Variants in BIRC6 observed in about 807,000 individuals in gnomAD.
BIRC6 encodes the protein baculoviral IAP repeat containing 6, also known as dual E2 ubiquitin-conjugating enzyme/E3 ubiquitin-protein ligase BIRC6.
In BIRC6, 98 loss-of-function variants were observed where a neutral mutation model predicts 503.3. That is an observed-to-expected ratio of 0.19 (90% CI 0.17 to 0.23). The LOEUF is 0.23. Among genes scored for constraint, BIRC6 ranks in the 10% least tolerant of loss-of-function variants. BIRC6 has a pLI of 1.00. For missense variants in BIRC6, 5,360 were observed against 5,806.0 expected, an observed-to-expected ratio of 0.92 and a Z score of 2.50; for synonymous variants, 2,240 against 2,078.7, an observed-to-expected ratio of 1.08 and a Z score of -2.11.
intron 50 of BIRC6, among the ~76,000 whole-genome samples, chr2:32,506,518 A>G (rs184466509): frequency 6.6e-6 from 1 of 152,372 alleles, no homozygotes; most frequent in Non-Finnish European, 1.5e-5. Flanking sequence ...GGCTACCTCT[A>G]AAATTGGAAA....
chr2:32,400,206 G>A (rs966774549), intron 6 of BIRC6, among the ~76,000 whole-genome samples: 1 of 151,756 alleles, frequency 6.6e-6, no homozygotes, highest in Non-Finnish European at 1.5e-5. Flanking sequence ...CATTCCTAAG[G>A]CTCTTAGGAA....
intron 8 of BIRC6, among the ~76,000 whole-genome samples, chr2:32,404,608 C>T (rs1405930883): frequency 1.3e-5 from 2 of 152,106 alleles, no homozygotes; most frequent in Admixed American, 1.3e-4. Flanking sequence ...GCCACTGCAT[C>T]TGGCCTTAGC....
chr2:32,416,961 A>C (rs541353342), intron 10 of BIRC6, among the ~76,000 whole-genome samples: 1 of 151,640 alleles, frequency 6.6e-6, no homozygotes, highest in East Asian at 1.9e-4. Flanking sequence ...TCAGCCTCCC[A>C]AGTAGCTGGG....
At chr2:32,511,205 T>G (rs1274975848) in intron 53 of BIRC6, among the ~76,000 whole-genome samples, 5 of 137,952 alleles carry the variant, frequency 3.6e-5, no homozygotes, top group Non-Finnish European at 6.4e-5. Context: ...TCTTTTCTTT[T>G]TTTTTTTTTT....
At chr2:32,534,121 C>G (rs529341245) in intron 61 of BIRC6, among the ~76,000 whole-genome samples, 1 of 152,238 alleles carries the variant, frequency 6.6e-6, no homozygotes, top group African/African-American at 2.4e-5. Flanking sequence ...CACTTGTAAT[C>G]CCAGCACTTT....
In BIRC6 at chr2:32,499,933, A is replaced by G. The variant is rs1558899941; in HGVS notation, c.8855A>G (p.Asp2952Gly). 6.2e-7 allele frequency: 1 copy of G among 1,613,990 alleles called. No individual in the cohort carries two copies. The stretch of plus-strand genomic sequence containing the variant: ...GTGTCTGTGACCACAAATACAACAG[A>G]TAGTGTTTCAGATGAAGAAAAAGTC... ...ARVSVTTNTT[D>G]SVSDEEKVSG... Residue 2952 changes from aspartate to glycine, a missense_variant, in exon 46 of 74, where the codon GAT (aspartate) becomes GGT (glycine). Physicochemically the swap from Asp to Gly is moderately conservative, Grantham distance 94 (BLOSUM62 -1). Around this residue, in one of 16 missense-constraint regions of BIRC6, gnomAD observed 2,299 missense variants for 2,267.2 expected, o/e 1.01. Transcript: ENST00000421745.
chr2:32,486,402 C>G (rs1162734417), intron 40 of BIRC6, among the ~76,000 whole-genome samples: 1 of 152,212 alleles, frequency 6.6e-6, no homozygotes, highest in Non-Finnish European at 1.5e-5. Flanking sequence ...AACAGGTAGC[C>G]TGCCAGAGCT....
intron 15 of BIRC6, among the ~76,000 whole-genome samples, chr2:32,436,886 CTTTTTT>C (rs35067044): frequency 1.1e-5 from 1 of 90,066 alleles, no homozygotes; most frequent in Non-Finnish European, 2.1e-5. Flanking sequence ...TTTGTTTTTT[CTTTTTT>C]TTTTTTTTTT....
intron 50 of BIRC6, among the ~76,000 whole-genome samples, chr2:32,506,388 A>G (rs1231081721): frequency 6.6e-6 from 1 of 152,220 alleles, no homozygotes; most frequent in Non-Finnish European, 1.5e-5. Flanking sequence ...TGTGGCATCC[A>G]CACTCCTTAG....
intron 23 of BIRC6, 82 bp downstream of exon 23, chr2:32,454,024 C>G: frequency 2.6e-6 from 3 of 1,134,460 alleles, no homozygotes; most frequent in Non-Finnish European, 3.6e-6. Context: ...AACATTATTT[C>G]TAATTATGTA....
At chr2:32,523,742 T>C (rs2055984621) in intron 57 of BIRC6, among the ~76,000 whole-genome samples, 1 of 152,260 alleles carries the variant, frequency 6.6e-6, no homozygotes, top group South Asian at 2.1e-4. Context: ...GTCATAATTG[T>C]GCTAAATTAG....
chr2:32,522,559 T>G (rs1260193825), intron 57 of BIRC6: 4 of 152,180 alleles, frequency 2.6e-5, no homozygotes, highest in African/African-American at 4.8e-5. Flanking sequence ...ATTTTTAATT[T>G]TAATGAATTT....
At chr2:32,439,240 A>C (rs1408733703) in intron 15 of BIRC6, among the ~76,000 whole-genome samples, 3 of 152,050 alleles carry the variant, frequency 2.0e-5, no homozygotes, top group African/African-American at 7.2e-5. Flanking sequence ...TAAAATGAAT[A>C]ATATTGGGGA....
intron 65 of BIRC6, among the ~76,000 whole-genome samples, chr2:32,559,173 G>A (rs923429701): frequency 1.3e-5 from 2 of 152,124 alleles, no homozygotes; most frequent in African/African-American, 2.4e-5. Flanking sequence ...TCACACACCC[G>A]CATCTGTAGC....
chr2:32,514,976 C>T lies in BIRC6; in HGVS notation c.10569-14C>T. The T allele has an allele frequency of 6.3e-7, 1 of 1,579,520 alleles. No homozygotes were observed. Among genetic ancestry groups the T allele is most frequent in the Non-Finnish European group, 8.7e-7 (1 of 1,154,544 alleles). On this transcript the variant is annotated splice_polypyrimidine_tract_variant and intron_variant, in intron 54 of 73. Coordinates refer to ENST00000421745, the MANE Select transcript of BIRC6 (RefSeq NM_016252.4). ...TATACTTGTATCATTAATATGATAT[C>T]TTTTATTTTTTAGGTTACTTTTTAA... is the stretch of plus-strand genomic sequence containing the variant.
At position 32,431,134 on chromosome 2, in the gene BIRC6, G is replaced by A. The variant is rs1211664966; in HGVS notation, c.3248+44G>A. On this transcript the variant is annotated intron_variant, in intron 12 of 73. Transcript: ENST00000421745. The stretch of plus-strand genomic sequence containing the variant: ...ATAATTAATTTTAAGTCCATCTTGT[G>A]TATTTGTCAGAGACAACGTAGAATT... 3 of 1,051,644 alleles carry A rather than the reference G, an allele frequency of 2.9e-6. No individual in the cohort carries two copies. In the African/African-American group the frequency reaches 5.4e-5, roughly 19 times the overall value. 65.1% of individuals were successfully genotyped at this position (1,051,644 alleles called of 1,614,324 possible). A position where few individuals can be genotyped will look rare whatever the true frequency, so the allele number is the denominator to read the frequency against.
intron 73 of BIRC6, among the ~76,000 whole-genome samples, chr2:32,613,688 G>A (rs2063040939): frequency 6.6e-6 from 1 of 152,254 alleles, no homozygotes; most frequent in East Asian, 1.9e-4. Context: ...TTCAGTATAA[G>A]CATTTCTAAC....
In BIRC6 at chr2:32,467,943, C is replaced by T; in HGVS notation, c.5612C>T (p.Ala1871Val). ...IGRYGSTNAR[A>V]KIPLGFYYGH... is the part of the protein sequence containing the mutation. ...CGTTACGGGAGTACAAATGCCAGAG[C>T]CAAAATCCCATTAGGATTTTACTAT... The change falls in exon 28 of 74, where the codon GCC becomes GTC. Residue 1871 changes from alanine to valine, a missense_variant. Physicochemically the swap from Ala to Val is moderately conservative, Grantham distance 64. Transcript: ENST00000421745. The T allele has an allele frequency of 1.2e-6, 2 of 1,613,548 alleles. No individual in the cohort carries two copies. The highest frequency in any genetic ancestry group is 1.7e-5 in the Admixed American group (1 of 59,992).
At chr2:32,550,844 TG>T (rs1460526632) in intron 65 of BIRC6, among the ~76,000 whole-genome samples, 2 of 152,172 alleles carry the variant, frequency 1.3e-5, no homozygotes, top group African/African-American at 4.8e-5. Flanking sequence ...AACTGATTTT[TG>T]GTAAATGTAT....
Sources: gnomAD v4.1 joint callset for allele counts (sites outside exome capture counted in the v4.1 genomes callset) on GRCh38, gnomAD v4.1.1 for gene constraint, gnomAD v4.1.1 regional missense constraint, MANE v1.5 for transcripts, NCBI Gene and HGNC (gene_info 2026-07-23, HGNC 2026-07-21) for gene names.